The following ADAM22 variants were observed in gnomAD, a reference collection of about 807,000 sequenced individuals.
The protein encoded by ADAM22 is disintegrin and metalloproteinase domain-containing protein 22.
In ADAM22, 65 loss-of-function variants were observed where a neutral mutation model predicts 144.6. The ratio of observed to expected loss-of-function variants is 0.45; its 90% CI spans 0.37 to 0.55. ADAM22 has a LOEUF of 0.55. Ranked by LOEUF, ADAM22 falls within the 20% of genes least tolerant of loss-of-function variation. The pLI is 0.00. For synonymous variants in ADAM22, 391 were observed against 412.6 expected (o/e 0.95, Z 0.63); for missense variants, 974 against 1,184.9 (o/e 0.82, Z 2.61).
intron 31 of ADAM22, among the ~76,000 whole-genome samples, chr7:88,194,831 C>T (rs1475670738): frequency 6.6e-6 from 1 of 152,206 alleles, no homozygotes; most frequent in African/African-American, 2.4e-5. Context: ...TAACTCCTCT[C>T]CACCACCAGT....
chr7:88,075,281 G>A (rs1320042840), intron 3 of ADAM22, among the ~76,000 whole-genome samples: 1 of 152,062 alleles, frequency 6.6e-6, no homozygotes, highest in Admixed American at 6.5e-5. Context: ...AATTAAAACT[G>A]TTTGATAAAA....
intron 29 of ADAM22, among the ~76,000 whole-genome samples, chr7:88,182,443 C>T (rs1295810199): frequency 1.3e-5 from 2 of 152,180 alleles, no homozygotes; most frequent in South Asian, 2.1e-4. Context: ...TGATACTGCT[C>T]ATGATCTAAA....
intron 3 of ADAM22, among the ~76,000 whole-genome samples, chr7:88,048,789 T>G (rs942227820): frequency 6.6e-6 from 1 of 152,116 alleles, no homozygotes; most frequent in Non-Finnish European, 1.5e-5. Context: ...TCAAATAATA[T>G]CTGTTTCCAG....
At chr7:87,934,968 A>G in intron 1 of ADAM22, 58 bp from the exon 2 acceptor site, 1 of 1,608,408 alleles carries the variant, frequency 6.2e-7, no homozygotes, top group South Asian at 1.1e-5. Context: ...AGTGAGGGTC[A>G]GGGTCATTAT....
chr7:88,119,874 G>A (rs1285402877), intron 7 of ADAM22, among the ~76,000 whole-genome samples: 2 of 152,170 alleles, frequency 1.3e-5, no homozygotes, highest in African/African-American at 2.4e-5. Flanking sequence ...AACTATGCAC[G>A]TTATTGTACA....
At chr7:88,024,949 CATT>C (rs1416844852) in intron 3 of ADAM22, among the ~76,000 whole-genome samples, 1 of 152,112 alleles carries the variant, frequency 6.6e-6, no homozygotes, top group African/African-American at 2.4e-5. Context: ...TCCAGTCTAT[CATT>C]GTTGGACATT....
chr7:88,001,010 T>C (rs915441705), intron 3 of ADAM22, among the ~76,000 whole-genome samples: 1 of 152,232 alleles, frequency 6.6e-6, no homozygotes, highest in Non-Finnish European at 1.5e-5. Context: ...TATCATGCAA[T>C]TGTTTCTATC....
rs990892641 is a variant in ADAM22 at position 88,082,415 on chromosome 7, A to G, written c.390+6723A>G. Among the ~76,000 whole-genome samples the G allele has an allele frequency of 2.0e-3, 309 of 152,332 alleles. 1 individual carries two copies. The highest frequency in any genetic ancestry group is 3.0e-3 in the Non-Finnish European group (204 of 68,030). On this transcript the variant is annotated intron_variant, in intron 4 of 31. Transcript: ENST00000413139. Reference sequence around the variant, plus strand: ...GAAAACCTAGGCAATACCATTCAGGACATAGGCATGGGCAAGGACTTCATG... The same window carrying G: ...GAAAACCTAGGCAATACCATTCAGGGCATAGGCATGGGCAAGGACTTCATG...
intron 3 of ADAM22, among the ~76,000 whole-genome samples, chr7:88,006,792 A>C (rs1444034756): frequency 6.6e-6 from 1 of 150,888 alleles, no homozygotes; most frequent in Non-Finnish European, 1.5e-5. Flanking sequence ...CACAGCCAAT[A>C]TCATACTGAA....
chr7:88,179,970 C>G (rs1046226353), intron 27 of ADAM22, among the ~76,000 whole-genome samples: 9 of 151,994 alleles, frequency 5.9e-5, no homozygotes, highest in African/African-American at 2.2e-4. Context: ...GGGGAAGATG[C>G]TAGTTTATTG....
At chr7:88,000,085 A>G (rs1451389696) in intron 3 of ADAM22, among the ~76,000 whole-genome samples, 1 of 152,182 alleles carries the variant, frequency 6.6e-6, no homozygotes, top group Non-Finnish European at 1.5e-5. Context: ...GAAATAATAT[A>G]TTTTCCAATA....
chr7:88,142,641 A>G (rs1202311069), intron 14 of ADAM22, among the ~76,000 whole-genome samples: 3 of 152,138 alleles, frequency 2.0e-5, no homozygotes, highest in East Asian at 3.9e-4. Flanking sequence ...GATCGAGACC[A>G]TCCTGGCTAA....
At chr7:88,083,703 A>G (rs1380186305) in intron 4 of ADAM22, among the ~76,000 whole-genome samples, 2 of 151,826 alleles carry the variant, frequency 1.3e-5, no homozygotes, top group Non-Finnish European at 2.9e-5. Flanking sequence ...CTGTATACCT[A>G]TACATTTCTA....
At chr7:87,949,443 C>A (rs1345714329) in intron 2 of ADAM22, among the ~76,000 whole-genome samples, 1 of 152,178 alleles carries the variant, frequency 6.6e-6, no homozygotes, top group African/African-American at 2.4e-5. Flanking sequence ...CACTTTATAG[C>A]CCTGTCTTTT....
At chr7:88,058,783 T>A (rs1225947543) in intron 3 of ADAM22, among the ~76,000 whole-genome samples, 1 of 152,214 alleles carries the variant, frequency 6.6e-6, no homozygotes, top group African/African-American at 2.4e-5. Context: ...ATAAAGCTTA[T>A]AATGTGAAAT....
intron 4 of ADAM22, among the ~76,000 whole-genome samples, chr7:88,095,177 T>G (rs965859771): frequency 6.6e-6 from 1 of 152,210 alleles, no homozygotes; most frequent in Non-Finnish European, 1.5e-5. Flanking sequence ...AGGAAGCATG[T>G]CAGGATCACC....
chr7:88,099,322 A>G (rs1822289982), intron 4 of ADAM22, among the ~76,000 whole-genome samples: 1 of 152,214 alleles, frequency 6.6e-6, no homozygotes, highest in Non-Finnish European at 1.5e-5. Context: ...TGGCATTGGC[A>G]ATAGCCAGAA....
chr7:88,026,353 TAAC>T (rs1455259862), intron 3 of ADAM22, among the ~76,000 whole-genome samples: 4 of 152,240 alleles, frequency 2.6e-5, no homozygotes, highest in East Asian at 3.9e-4. Context: ...CACATACTTT[TAAC>T]AACGAGATGT....
intron 3 of ADAM22, among the ~76,000 whole-genome samples, chr7:88,024,742 C>T (rs1798612606): frequency 6.8e-6 from 1 of 148,124 alleles, no homozygotes; most frequent in African/African-American, 2.5e-5. Flanking sequence ...TGATGTTCCC[C>T]TTCCTGTGTC....
Sources: gnomAD v4.1 joint callset for allele counts (sites outside exome capture counted in the v4.1 genomes callset) on GRCh38, gnomAD v4.1.1 for gene constraint, MANE v1.5 for transcripts, NCBI Gene and HGNC (gene_info 2026-07-23, HGNC 2026-07-21) for gene names.